Variants in MSI2 observed in about 807,000 individuals in gnomAD.
The protein encoded by MSI2 is musashi RNA binding protein 2.
MSI2 carries 17 observed loss-of-function variants against 45.6 expected under a neutral mutation model. The observed-to-expected ratio is 0.37, with a 90% confidence interval of 0.26 to 0.56. The LOEUF (loss-of-function observed/expected upper bound fraction) is 0.56, where lower values mean the gene tolerates loss of function less well. MSI2 is among the 20% of genes least tolerant of loss of function. MSI2 has a pLI of 0.77. For synonymous variants in MSI2, 156 were observed against 158.2 expected, an observed-to-expected ratio of 0.99 and a Z score of 0.11; for missense variants, 293 against 444.2, an observed-to-expected ratio of 0.66 and a Z score of 3.06.
At chr17:57,587,200 A>G (rs2144399776) in intron 7 of MSI2, among the ~76,000 whole-genome samples, 1 of 152,338 alleles carries the variant, frequency 6.6e-6, no homozygotes. Context: ...TATATTGTCT[A>G]GGAGCATCCA....
intron 7 of MSI2, among the ~76,000 whole-genome samples, chr17:57,572,668 T>C (rs980442935): frequency 6.6e-6 from 1 of 152,166 alleles, no homozygotes; most frequent in Non-Finnish European, 1.5e-5. Flanking sequence ...ATGTGTTGCC[T>C]TCTGTGTAAA....
intron 6 of MSI2, among the ~76,000 whole-genome samples, chr17:57,432,383 G>A (rs1233965647): frequency 1.3e-5 from 2 of 152,152 alleles, no homozygotes; most frequent in African/African-American, 4.8e-5. Context: ...CCATTCTCAG[G>A]TTTCTGCGGT....
chr17:57,267,141 G>C (rs1412125107), intron 5 of MSI2: 1 of 152,280 alleles, frequency 6.6e-6, no homozygotes, highest in East Asian at 1.9e-4. Context: ...ATCTGCAGCT[G>C]TCATCTCGGC....
chr17:57,286,070 C>G, intron 5 of MSI2: 1 of 1,088,536 alleles, frequency 9.2e-7, no homozygotes, highest in Non-Finnish European at 1.2e-6. Flanking sequence ...GTCTTTCCCT[C>G]CCTTCCTTCT....
At chr17:57,456,705 C>T (rs910301809) in intron 6 of MSI2, among the ~76,000 whole-genome samples, 1 of 152,260 alleles carries the variant, frequency 6.6e-6, no homozygotes, top group Admixed American at 6.5e-5. Flanking sequence ...CAGGGCACAA[C>T]TGGGGCTAAA....
At chr17:57,459,756 G>A (rs986559023) in intron 6 of MSI2, among the ~76,000 whole-genome samples, 1 of 152,138 alleles carries the variant, frequency 6.6e-6, no homozygotes, top group Non-Finnish European at 1.5e-5. Context: ...CACTTTAGGA[G>A]GCTGAGGCAG....
At chr17:57,281,705 A>G (rs957333939) in intron 5 of MSI2, among the ~76,000 whole-genome samples, 1 of 152,124 alleles carries the variant, frequency 6.6e-6, no homozygotes, top group Non-Finnish European at 1.5e-5. Flanking sequence ...CTGCTTTTAC[A>G]TGTGAGAGGT....
intron 5 of MSI2, among the ~76,000 whole-genome samples, chr17:57,393,042 C>A (rs1029132008): frequency 6.6e-6 from 1 of 152,168 alleles, no homozygotes; most frequent in African/African-American, 2.4e-5. Context: ...TTAGCCATCA[C>A]TCCCTCCCTC....
intron 7 of MSI2, among the ~76,000 whole-genome samples, chr17:57,543,439 G>A (rs928877173): frequency 6.6e-6 from 1 of 152,192 alleles, no homozygotes. Flanking sequence ...GGGACGGCAC[G>A]CTTTAGCCAG....
At chr17:57,409,569 T>A (rs1159323412) in intron 6 of MSI2, among the ~76,000 whole-genome samples, 1 of 152,194 alleles carries the variant, frequency 6.6e-6, no homozygotes, top group African/African-American at 2.4e-5. Context: ...GACTCATACC[T>A]TCTGCAGCCT....
the MSI2 span, among the ~76,000 whole-genome samples, chr17:57,696,932 TTTGC>T: frequency 3.3e-5 from 5 of 152,120 alleles, no homozygotes; most frequent in Non-Finnish European, 5.9e-5. Flanking sequence ...TCTCTGCTCA[TTTGC>T]TATACATCAG....
chr17:57,374,251 T>C (rs1003449955), intron 5 of MSI2, among the ~76,000 whole-genome samples: 1 of 152,254 alleles, frequency 6.6e-6, no homozygotes, highest in Non-Finnish European at 1.5e-5. Flanking sequence ...GTTGCATTTT[T>C]GCAACCCTAG....
chr17:57,687,791 G>A (rs1230238475), downstream of MSI2, among the ~76,000 whole-genome samples: 2 of 152,000 alleles, frequency 1.3e-5, no homozygotes, highest in Non-Finnish European at 2.9e-5. Context: ...TACAGACTTA[G>A]GAGCTCAGAT....
chr17:57,357,850 A>T (rs1916545184), intron 5 of MSI2, among the ~76,000 whole-genome samples: 1 of 151,884 alleles, frequency 6.6e-6, no homozygotes, highest in African/African-American at 2.4e-5. Flanking sequence ...TTTTTTTTTG[A>T]TGAGCTGAAG....
At chr17:57,379,144 A>C (rs1246826988) in intron 5 of MSI2, among the ~76,000 whole-genome samples, 1 of 149,948 alleles carries the variant, frequency 6.7e-6, no homozygotes, top group East Asian at 1.9e-4. Flanking sequence ...CAAAACCCTG[A>C]CATCCTCCCT....
chr17:57,565,499 C>G (rs9892231), intron 7 of MSI2, among the ~76,000 whole-genome samples: 77,949 of 152,028 alleles, frequency 0.51, 21,608 homozygotes, highest in African/African-American at 0.75. Context: ...TAGGTGGATG[C>G]CACCTGCCTG....
At chr17:57,534,780 C>T (rs980791770) in intron 7 of MSI2, among the ~76,000 whole-genome samples, 13 of 152,220 alleles carry the variant, frequency 8.5e-5, no homozygotes, top group African/African-American at 3.1e-4. Context: ...ATTTCCTGGC[C>T]TTCCATACGA....
At chr17:57,349,832 CT>C (rs1915879142) in intron 5 of MSI2, among the ~76,000 whole-genome samples, 1 of 152,292 alleles carries the variant, frequency 6.6e-6, no homozygotes, top group South Asian at 2.1e-4. Flanking sequence ...CTCCTTGAAG[CT>C]TTTTAAAGCC....
chr17:57,395,954 G>A (rs1370970369), intron 5 of MSI2, among the ~76,000 whole-genome samples: 1 of 152,200 alleles, frequency 6.6e-6, no homozygotes, highest in East Asian at 1.9e-4. Flanking sequence ...TGAACTAGAA[G>A]GTTTGCAGCA....
Sources: allele counts gnomAD v4.1 joint callset (sites outside exome capture counted in the v4.1 genomes callset), GRCh38; gene constraint gnomAD v4.1.1; transcripts MANE v1.5; gene names NCBI Gene and HGNC (gene_info 2026-07-23, HGNC 2026-07-21).